Variants in CCDC7 observed in about 807,000 individuals in gnomAD.
CCDC7 encodes coiled-coil domain containing 7.
Under a neutral mutation model 196.9 loss-of-function variants are expected in CCDC7, and 183 were observed. The observed-to-expected ratio is 0.93, with a 90% CI of 0.82 to 1.05. The LOEUF is 1.05. CCDC7 is among the 50% of genes least tolerant of loss of function. The pLI is 0.00. For synonymous variants in CCDC7, 525 were observed against 484.6 expected, an observed-to-expected ratio of 1.08 and a Z score of -1.10; for missense variants, 1,540 against 1,482.2, an observed-to-expected ratio of 1.04 and a Z score of -0.64.
intron 13 of CCDC7, 157 bp downstream of exon 14, chr10:32,544,458 A>G (rs2052077475): frequency 1.7e-6 from 1 of 599,662 alleles, no homozygotes; most frequent in Admixed American, 4.0e-5. Context: ...TCTTCCTGAG[A>G]TAATGTCTTT....
In CCDC7 at chr10:32,845,912, G is replaced by A. The variant is rs542812339; in HGVS notation, c.3557G>A (p.Arg1186Lys). ...GAATTCTTGGCAGATGCTATTGGAA[G>A]AGGTATAATAATAGGGCCAATCACT... Residue 1186 changes from arginine to lysine, a missense_variant, in exon 36 of 42, where the codon AGA (arginine) becomes AAA (lysine). By Grantham distance (26) the Arg-to-Lys change is conservative. Transcript: ENST00000639629. 9 of 1,612,390 alleles carry A rather than the reference G, an allele frequency of 5.6e-6. No homozygotes were observed. In the African/African-American group the frequency reaches 8.0e-5, roughly 14 times the overall value.
At chr10:32,877,776 C>G (rs1007732076), downstream of CCDC7, among the ~76,000 whole-genome samples, 3 of 152,102 alleles carry the variant, frequency 2.0e-5, no homozygotes, top group African/African-American at 7.2e-5. Context: ...TAGAACTCAC[C>G]TGGGGCTTTT....
chr10:32,532,084 G>A (rs115297505), intron 11 of CCDC7, among the ~76,000 whole-genome samples: 1 of 151,778 alleles, frequency 6.6e-6, no homozygotes, highest in Non-Finnish European at 1.5e-5. Flanking sequence ...CTTATTTTGG[G>A]TTTGATTTCT....
intron 41 of CCDC7, among the ~76,000 whole-genome samples, chr10:32,872,665 A>C (rs1234797833): frequency 6.6e-6 from 1 of 152,016 alleles, no homozygotes; most frequent in Non-Finnish European, 1.5e-5. Flanking sequence ...ATGTTTTTGC[A>C]GTGGCTGGTA....
intron 28 of CCDC7, among the ~76,000 whole-genome samples, chr10:32,742,542 T>C (rs1181229911): frequency 6.6e-6 from 1 of 152,234 alleles, no homozygotes; most frequent in Admixed American, 6.5e-5. Flanking sequence ...CTTTTTGTTG[T>C]GTCCATGATT....
At chr10:32,580,301 A>G (rs1383590779) in intron 16 of CCDC7, among the ~76,000 whole-genome samples, 1 of 152,184 alleles carries the variant, frequency 6.6e-6, no homozygotes, top group East Asian at 1.9e-4. Flanking sequence ...TAAGCAGTCC[A>G]TCACCCTAAT....
At chr10:32,535,145 G>A (rs1190204513) in intron 11 of CCDC7, among the ~76,000 whole-genome samples, 1 of 151,296 alleles carries the variant, frequency 6.6e-6, no homozygotes, top group African/African-American at 2.4e-5. Flanking sequence ...GCAGATGGTA[G>A]GAAAATATGT....
chr10:32,833,597 G>A lies in CCDC7; in HGVS notation c.3269-1218G>A, dbSNP rs948183835. Among the ~76,000 whole-genome samples, 5 of 152,064 alleles carry A rather than the reference G, an allele frequency of 3.3e-5. No homozygotes were observed. In the East Asian group the frequency reaches 7.7e-4, roughly 23 times the overall value. On this transcript the variant is annotated intron_variant, in intron 32 of 41. Transcript: ENST00000639629. ...GTACTCCTTGCTTATACCAGTTAGG[G>A]AAATAACTAAAGAGGTTAAAATATG...
intron 24 of CCDC7, among the ~76,000 whole-genome samples, chr10:32,698,003 C>T (rs1013518050): frequency 6.6e-6 from 1 of 152,194 alleles, no homozygotes; most frequent in African/African-American, 2.4e-5. Context: ...GCAACCTTTG[C>T]TCTTCTGCAA....
At chr10:32,671,334 A>T (rs191042241) in intron 21 of CCDC7, among the ~76,000 whole-genome samples, 1 of 152,280 alleles carries the variant, frequency 6.6e-6, no homozygotes, top group Admixed American at 6.5e-5. Context: ...CATTTTATTC[A>T]AATTGAATAC....
In CCDC7 at chr10:32,611,537, G is replaced by A. The variant is rs971462267; in HGVS notation, c.1802-22717G>A. ...TGGTATTGCCTAGGTTTTCTTCTAG[G>A]GTTTTTATGGTTTTAGGTCTTACAT... On this transcript the variant is annotated intron_variant, in intron 18 of 41. Coordinates refer to ENST00000639629, the Ensembl canonical transcript of CCDC7. Among the ~76,000 whole-genome samples the A allele has an allele frequency of 2.6e-5, 4 of 152,162 alleles. 1 individual carries two copies. Among genetic ancestry groups the A allele is most frequent in the South Asian group, 4.2e-4 (2 of 4,804 alleles).
At chr10:32,845,181 C>A in intron 33 of CCDC7, 62 bp from the exon 35 acceptor site, 2 of 967,488 alleles carry the variant, frequency 2.1e-6, no homozygotes, top group Non-Finnish European at 3.1e-6. Context: ...AACACATACA[C>A]ATACTCAGAT....
chr10:32,765,798 A>G (rs531103737), intron 28 of CCDC7, among the ~76,000 whole-genome samples: 4 of 152,200 alleles, frequency 2.6e-5, no homozygotes, highest in Admixed American at 2.6e-4. Flanking sequence ...ACTGTACTAA[A>G]TAATGATTTC....
In CCDC7 at chr10:32,600,265, A is replaced by G. The variant is rs2060853892; in HGVS notation, c.1801+15961A>G. ...AGCAGTATTTTATAGTTCTCCATGT[A>G]GAGCTCTTTTACCTCATTTGTTGCG... On this transcript the variant is annotated intron_variant, in intron 18 of 41. Transcript: ENST00000639629. Among the ~76,000 whole-genome samples the G allele has an allele frequency of 1.3e-5, 2 of 148,840 alleles. 1 individual carries two copies. Among genetic ancestry groups the G allele is most frequent in the South Asian group, 4.2e-4 (2 of 4,790 alleles).
intron 28 of CCDC7, among the ~76,000 whole-genome samples, chr10:32,756,927 C>T (rs2076561124): frequency 6.6e-6 from 1 of 152,008 alleles, no homozygotes; most frequent in South Asian, 2.1e-4. Context: ...AAATGGAAAA[C>T]AAAGAAAAAG....
At chr10:32,664,323 C>G (rs1046895214) in intron 21 of CCDC7, among the ~76,000 whole-genome samples, 162 bp downstream of exon 22, 4 of 151,804 alleles carry the variant, frequency 2.6e-5, no homozygotes, top group African/African-American at 9.7e-5. Context: ...AAAATAAAAT[C>G]AAGCTATTTA....
rs57829018 is a variant in CCDC7 at position 32,681,738 on chromosome 10, T to TACACACACACACACAC, written c.2123-4200_2123-4185dup. 1.7e-3 allele frequency among the ~76,000 whole-genome samples: 240 copies of TACACACACACACACAC among 137,622 alleles called. 3 individuals carry two copies. The highest frequency in any genetic ancestry group is 5.9e-3 in the African/African-American group (206 of 35,120). The allele number at this position is 137,622 out of a possible 152,430, so 90.3% of individuals were successfully genotyped here. A position where few individuals can be genotyped will look rare whatever the true frequency, so the allele number is the denominator to read the frequency against. On this transcript the variant is annotated intron_variant, in intron 21 of 41. Transcript: ENST00000639629. ...GGATTCTTCAGTGTATTTATATGTA[T>TACACACACACACACAC]ACACACACACACACACACACACACA...
At chr10:32,845,715 C>A in intron 35 of CCDC7, 89 bp downstream of exon 36, 2 of 1,253,514 alleles carry the variant, frequency 1.6e-6, no homozygotes, top group Non-Finnish European at 2.3e-6. Context: ...GGCAATAGTA[C>A]CTATATGTTG....
At chr10:32,478,193 G>A (rs2039344042) in intron 8 of CCDC7, among the ~76,000 whole-genome samples, 1 of 152,100 alleles carries the variant, frequency 6.6e-6, no homozygotes, top group Non-Finnish European at 1.5e-5. Flanking sequence ...TTTGTGTCCT[G>A]TAAATTTGCA....
Sources: gnomAD v4.1 joint callset for allele counts (sites outside exome capture counted in the v4.1 genomes callset) on GRCh38, gnomAD v4.1.1 for gene constraint, MANE v1.5 for transcripts, NCBI Gene and HGNC (gene_info 2026-07-23, HGNC 2026-07-21) for gene names.